MIA2: variants seen among roughly 807,000 people sequenced by gnomAD.
MIA2 encodes the protein MIA SH3 domain ER export factor 2, also known as melanoma inhibitory activity protein 2.
In MIA2, 127 loss-of-function variants were observed where a neutral mutation model predicts 167.8. The observed-to-expected ratio is 0.76, with a 90% CI of 0.66 to 0.88. The LOEUF (loss-of-function observed/expected upper bound fraction) is 0.88, where lower values mean the gene tolerates loss of function less well. Among genes scored for constraint, MIA2 ranks in the 40% least tolerant of loss-of-function variants. MIA2 has a pLI of 0.00. For synonymous variants in MIA2, 552 were observed against 541.9 expected (o/e 1.02, Z -0.26); for missense variants, 1,690 against 1,624.7 (o/e 1.04, Z -0.69).
chr14:39,374,396 G>A (rs895537267), intron 23 of MIA2, among the ~76,000 whole-genome samples: 1 of 152,164 alleles, frequency 6.6e-6, no homozygotes, highest in Non-Finnish European at 1.5e-5. Flanking sequence ...AATTATACAG[G>A]TCCAAAATTA....
At chr14:39,291,556 G>T (rs1168527519) in intron 10 of MIA2, among the ~76,000 whole-genome samples, 2 of 152,194 alleles carry the variant, frequency 1.3e-5, no homozygotes, top group Non-Finnish European at 2.9e-5. Flanking sequence ...AATTAGGCCA[G>T]AGGTTTACGT....
At chr14:39,293,187 A>T (rs2060963656) in intron 10 of MIA2, 84 bp from the exon 11 acceptor site, 1 of 898,236 alleles carries the variant, frequency 1.1e-6, no homozygotes, top group Non-Finnish European at 1.8e-6. Context: ...TTTAACTTAT[A>T]GTACATATTT....
At position 39,284,790 on chromosome 14, in the gene MIA2, T is replaced by G. The variant is rs554345144; in HGVS notation, c.2130+5253T>G. Among the ~76,000 whole-genome samples the G allele has an allele frequency of 9.2e-5, 14 of 152,132 alleles. No individual in the cohort carries two copies. The East Asian group carries it at 2.7e-3, about 29-fold the overall frequency. The stretch of plus-strand genomic sequence containing the variant: ...TTTTTATTGATCATTCTTGGGTGTT[T>G]CTCGCAGAGGGGGATTTGGCAGGGT... On this transcript the variant is annotated intron_variant, in intron 9 of 28. Transcript: ENST00000640607.
Position 39,234,208 on chromosome 14 carries a change from TG to T in MIA2, c.95del (p.Cys32LeufsTer9). 1 of 1,608,078 alleles carries T rather than the reference TG, an allele frequency of 6.2e-7. No individual in the cohort carries two copies. The highest frequency in any genetic ancestry group is 8.5e-7 in the Non-Finnish European group (1 of 1,177,276). ...AAAACTGCTGGCAGACCTTAAAAAA[TG>T]TGGTGACTTGGAATGTGAAGGTAAG... The part of the protein sequence containing the change: ...STKLLADLKK[C>X]GDLECEALIN... On this transcript the variant is annotated frameshift_variant, in exon 1 of 29. Coordinates refer to ENST00000640607, the MANE Select transcript of MIA2 (RefSeq NM_001329214.4). LOFTEE classifies it high-confidence loss of function.
At chr14:39,338,234 G>A (rs201233243) in intron 25 of MIA2, among the ~76,000 whole-genome samples, 1 of 152,178 alleles carries the variant, frequency 6.6e-6, no homozygotes, top group East Asian at 1.9e-4. Flanking sequence ...CTAGACACGA[G>A]TTGTACCAAT....
At chr14:39,363,701 G>C (rs2074750268) in intron 23 of MIA2, among the ~76,000 whole-genome samples, 1 of 152,080 alleles carries the variant, frequency 6.6e-6, no homozygotes, top group Non-Finnish European at 1.5e-5. Context: ...TTCATTGTTG[G>C]GTACATATGT....
At chr14:39,285,717 T>A (rs1438134883) in intron 9 of MIA2, among the ~76,000 whole-genome samples, 1 of 48,752 alleles carries the variant, frequency 2.1e-5, no homozygotes, top group Non-Finnish European at 4.7e-5. Context: ...CGCTCCTCAC[T>A]TCCCAGACGG....
At chr14:39,326,441 A>G (rs1445519056) in intron 24 of MIA2, among the ~76,000 whole-genome samples, 4 of 152,128 alleles carry the variant, frequency 2.6e-5, no homozygotes, top group Admixed American at 6.6e-5. Context: ...TCTTAAGTTA[A>G]ACTGAGTACA....
chr14:39,243,708 A>T (rs2054164933), intron 3 of MIA2, among the ~76,000 whole-genome samples: 1 of 152,138 alleles, frequency 6.6e-6, no homozygotes, highest in Non-Finnish European at 1.5e-5. Context: ...TTTACTAAGA[A>T]TACAAAAATT....
chr14:39,319,878 AT>A (rs938777708), intron 23 of MIA2, among the ~76,000 whole-genome samples: 1 of 152,030 alleles, frequency 6.6e-6, no homozygotes, highest in Non-Finnish European at 1.5e-5. Flanking sequence ...AACAGTTTAA[AT>A]TTTTTCATAA....
rs367606737 is a variant in MIA2 at position 39,318,043 on chromosome 14, G to C, written c.3284+32G>C. On this transcript the variant is annotated intron_variant, in intron 22 of 28. Coordinates refer to ENST00000640607, the MANE Select transcript of MIA2 (RefSeq NM_001329214.4). ...ATCTTAGTGGGAACATTTAAAATTA[G>C]TTATTCTGTTATTTCGTTAATTAGG... 8.2e-5 allele frequency: 120 copies of C among 1,457,904 alleles called. No homozygotes were observed. In the African/African-American group the frequency reaches 1.3e-3, roughly 15 times the overall value. 90.3% of individuals were successfully genotyped at this position (1,457,904 alleles called of 1,614,324 possible). A position where few individuals can be genotyped will look rare whatever the true frequency, so the allele number is the denominator to read the frequency against.
intron 3 of MIA2, among the ~76,000 whole-genome samples, chr14:39,241,596 A>T (rs989697961): frequency 6.6e-6 from 1 of 152,218 alleles, no homozygotes; most frequent in African/African-American, 2.4e-5. Context: ...CTGGGACTAC[A>T]GGTGTGCCAA....
At chr14:39,265,254 C>T in intron 6 of MIA2, 1 of 710,738 alleles carries the variant, frequency 1.4e-6, no homozygotes, top group East Asian at 2.9e-5. Flanking sequence ...CCCTTTACCA[C>T]ACAAATGTCA....
rs1370587939 is a variant in MIA2 at position 39,315,673 on chromosome 14, T to G, written c.3181-10T>G. 1.3e-6 allele frequency: 2 copies of G among 1,546,882 alleles called. No homozygotes were observed. The highest frequency in any genetic ancestry group is 8.8e-7 in the Non-Finnish European group (1 of 1,130,568). On this transcript the variant is annotated splice_polypyrimidine_tract_variant and intron_variant, in intron 20 of 28. Coordinates refer to ENST00000640607, the MANE Select transcript of MIA2 (RefSeq NM_001329214.4). ...ATGGTCAGTAGCATTTTAATTACTT[T>G]CTTTTTCAGATTATTTCCCATGAGA...
At chr14:39,379,697 CA>C (rs1192950101) in intron 23 of MIA2, among the ~76,000 whole-genome samples, 1 of 151,958 alleles carries the variant, frequency 6.6e-6, no homozygotes, top group Non-Finnish European at 1.5e-5. Flanking sequence ...ACTAAAAATA[CA>C]AAAATTAGCC....
chr14:39,240,316 A>C (rs1020864354), intron 2 of MIA2, among the ~76,000 whole-genome samples: 1 of 152,216 alleles, frequency 6.6e-6, no homozygotes, highest in African/African-American at 2.4e-5. Flanking sequence ...TAAGTGGAAC[A>C]GGTTTCCTTC....
chr14:39,288,448 TATATATATATATATATATATATA>T lies in MIA2; in HGVS notation c.2131-2570_2131-2548del, dbSNP rs1463078020. ...TATATTATACATATATATATATATA[TATATATATATATATATATATATA>T]TATATTTTTTTTTTTTTTTTTGAGA... On this transcript the variant is annotated intron_variant, in intron 9 of 28. Transcript: ENST00000640607. 2.9e-3 allele frequency among the ~76,000 whole-genome samples: 102 copies of T among 34,660 alleles called. 6 individuals carry two copies. The highest frequency in any genetic ancestry group is 9.2e-3 in the East Asian group (10 of 1,086). 22.7% of individuals were successfully genotyped at this position (34,660 alleles called of 152,430 possible).
intron 18 of MIA2, among the ~76,000 whole-genome samples, chr14:39,309,978 A>T (rs1287925881): frequency 6.6e-6 from 1 of 151,564 alleles, no homozygotes; most frequent in Non-Finnish European, 1.5e-5. Flanking sequence ...GGGTAATAAA[A>T]TGTAACAGAC....
At position 39,344,479 on chromosome 14, in the gene MIA2, A is replaced by G. The variant is rs146449140; in HGVS notation, c.3656-1425A>G. ...GAAAGGGAGTGTAAATGAGCCTTCA[A>G]ACTATTTGTATCTTTCTCTCCTCAG... On this transcript the variant is annotated intron_variant, in intron 25 of 28. Transcript: ENST00000640607. 1.9e-3 allele frequency among the ~76,000 whole-genome samples: 286 copies of G among 152,308 alleles called. 1 individual carries two copies. The highest frequency in any genetic ancestry group is 6.5e-3 in the African/African-American group (270 of 41,572).
Sources: allele counts gnomAD v4.1 joint callset (sites outside exome capture counted in the v4.1 genomes callset), GRCh38; gene constraint gnomAD v4.1.1; transcripts MANE v1.5; gene names NCBI Gene and HGNC (gene_info 2026-07-23, HGNC 2026-07-21).